The following KCNK13 variants were observed in gnomAD, a reference collection of about 807,000 sequenced individuals.
The protein encoded by KCNK13 is potassium channel subfamily K member 13.
A neutral mutation model predicts 23.4 loss-of-function variants in KCNK13; 12 were observed. The observed-to-expected ratio is 0.51, with a 90% CI of 0.33 to 0.83. The LOEUF (loss-of-function observed/expected upper bound fraction) is 0.83, where lower values mean the gene tolerates loss of function less well. KCNK13 is among the 40% of genes least tolerant of loss of function. The pLI is 0.02. For synonymous variants in KCNK13, 231 were observed against 229.5 expected (o/e 1.01, Z -0.06); for missense variants, 463 against 556.3 (o/e 0.83, Z 1.69).
intron 1 of KCNK13, among the ~76,000 whole-genome samples, chr14:90,135,743 T>C (rs1232935837): frequency 6.6e-6 from 1 of 152,158 alleles, no homozygotes; most frequent in Non-Finnish European, 1.5e-5. Context: ...AGAAAAGGAC[T>C]CTTTTTTGTT....
Position 90,062,391 on chromosome 14 carries a change from C to T in KCNK13, c.186C>T (p.Arg62=), listed in dbSNP as rs772470332. 12 of 1,548,482 alleles carry T rather than the reference C, an allele frequency of 7.7e-6. No individual in the cohort carries two copies. The South Asian group carries it at 8.3e-5, about 11-fold the overall frequency. The change falls in exon 1 of 2, where the codon CGC becomes CGT. Residue 62 remains arginine (R), a synonymous_variant. Coordinates refer to ENST00000282146, the MANE Select transcript of KCNK13 (RefSeq NM_022054.4). The surrounding 1 kb of genome is among the most constrained non-coding windows in gnomAD (Gnocchi z 4.5). Reference sequence around the variant, plus strand: ...AGGAGCGCCTGGCCAACTTCAGCCGCGGCCACAACCTGAGCCGCGACGAGC... The same window carrying T: ...AGGAGCGCCTGGCCAACTTCAGCCGTGGCCACAACCTGAGCCGCGACGAGC... ...RWEERLANFS[R]GHNLSRDELR... is the part of the protein sequence containing the mutation.
intron 1 of KCNK13, among the ~76,000 whole-genome samples, chr14:90,076,722 T>C (rs1889138833): frequency 6.6e-6 from 1 of 152,192 alleles, no homozygotes; most frequent in Non-Finnish European, 1.5e-5. Flanking sequence ...AATAAAATAT[T>C]GTCTGAGCGT....
At chr14:90,089,233 C>G (rs1889315694) in intron 1 of KCNK13, among the ~76,000 whole-genome samples, 1 of 152,156 alleles carries the variant, frequency 6.6e-6, no homozygotes, top group African/African-American at 2.4e-5. Context: ...GACAAAAATG[C>G]TGATAGTGAT....
At chr14:90,154,279 A>G (rs1890169180) in intron 1 of KCNK13, among the ~76,000 whole-genome samples, 1 of 149,670 alleles carries the variant, frequency 6.7e-6, no homozygotes, top group African/African-American at 2.5e-5. Flanking sequence ...CTGCTCTCCT[A>G]CCCACAATGC....
intron 1 of KCNK13, among the ~76,000 whole-genome samples, chr14:90,071,663 C>T (rs946005291): frequency 6.6e-6 from 1 of 152,116 alleles, no homozygotes; most frequent in South Asian, 2.1e-4. Flanking sequence ...AATTGGGAGG[C>T]CAAGGTGGGC....
chr14:90,130,548 C>T (rs1056181254), intron 1 of KCNK13, among the ~76,000 whole-genome samples: 2 of 151,836 alleles, frequency 1.3e-5, no homozygotes, highest in Admixed American at 6.6e-5. Context: ...CACAGTCGCC[C>T]ATGCCTGTAA....
chr14:90,142,556 G>C (rs8004265), intron 1 of KCNK13, among the ~76,000 whole-genome samples: 1 of 151,838 alleles, frequency 6.6e-6, no homozygotes, highest in African/African-American at 2.4e-5. Flanking sequence ...CTGACCTCGT[G>C]ATCCACCCGC....
At chr14:90,163,726 G>A (rs2140439690) in intron 1 of KCNK13, among the ~76,000 whole-genome samples, 1 of 152,258 alleles carries the variant, frequency 6.6e-6, no homozygotes, top group African/African-American at 2.4e-5. Flanking sequence ...GTCTTGCTCT[G>A]TAGCCCAGGC....
Position 90,091,622 on chromosome 14 carries a change from G to T in KCNK13, c.334+29083G>T, listed in dbSNP as rs140036554. ...TTAAACCTGGAATGCAGAACACTGG[G>T]CATGCCAAATGCCTCATTATTTATG... On this transcript the variant is annotated intron_variant, in intron 1 of 1. Coordinates refer to ENST00000282146, the MANE Select transcript of KCNK13 (RefSeq NM_022054.4). 3.1e-3 allele frequency among the ~76,000 whole-genome samples: 479 copies of T among 152,080 alleles called. 5 individuals carry two copies. Among genetic ancestry groups the T allele is most frequent in the African/African-American group, 0.011 (458 of 41,504 alleles).
At chr14:90,076,820 AT>A (rs985682521) in intron 1 of KCNK13, among the ~76,000 whole-genome samples, 16 of 150,898 alleles carry the variant, frequency 1.1e-4, no homozygotes, top group African/African-American at 3.4e-4. Flanking sequence ...TTAAAAAAAA[AT>A]TTTTTTTTTA....
rs369098976 is a variant in KCNK13 at position 90,184,857 on chromosome 14, G to A, written c.1081G>A (p.Ala361Thr). The change falls in exon 2 of 2, where the codon GCC (alanine) becomes ACC (threonine). Residue 361 changes from alanine (A) to threonine (T), a missense_variant. By Grantham distance (58) the Ala-to-Thr change is moderately conservative. Coordinates refer to ENST00000282146, the MANE Select transcript of KCNK13 (RefSeq NM_022054.4). The surrounding 1 kb of genome is among the most constrained non-coding windows in gnomAD (Gnocchi z 5.6). Reference protein sequence around the residue: ...DLLAANKASLAILQKQLSEMA... With the variant: ...DLLAANKASLTILQKQLSEMA... The stretch of plus-strand genomic sequence containing the variant: ...GCTGGCAGCCAACAAGGCCTCGTTG[G>A]CCATCCTGCAGAAGCAACTGTCTGA... The A allele has an allele frequency of 2.6e-5, 42 of 1,613,700 alleles. No homozygotes were observed. The highest frequency in any genetic ancestry group is 3.3e-5 in the Non-Finnish European group (39 of 1,179,966).
At chr14:90,131,543 T>C (rs547897493) in intron 1 of KCNK13, among the ~76,000 whole-genome samples, 1 of 152,220 alleles carries the variant, frequency 6.6e-6, no homozygotes, top group Admixed American at 6.5e-5. Context: ...TTATTTATTT[T>C]TTCAGAAAGA....
chr14:90,127,316 G>A (rs1450102365), intron 1 of KCNK13, among the ~76,000 whole-genome samples: 3 of 152,034 alleles, frequency 2.0e-5, no homozygotes, highest in Non-Finnish European at 2.9e-5. Flanking sequence ...GTTTTGTAGC[G>A]TGAAAACAGC....
intron 1 of KCNK13, among the ~76,000 whole-genome samples, chr14:90,155,944 C>T (rs1250513710): frequency 2.0e-5 from 3 of 152,184 alleles, no homozygotes; most frequent in Middle Eastern, 3.4e-3. Context: ...TGGCTCACAC[C>T]TGTAATCTCA....
chr14:90,108,242 C>T (rs1375031310), intron 1 of KCNK13, among the ~76,000 whole-genome samples: 51 of 152,114 alleles, frequency 3.4e-4, no homozygotes, highest in Admixed American at 3.3e-3. Context: ...GCCTAGGATT[C>T]GCTCACTCAC....
chr14:90,179,615 C>G (rs183643864), intron 1 of KCNK13, among the ~76,000 whole-genome samples: 1 of 152,196 alleles, frequency 6.6e-6, no homozygotes, highest in Non-Finnish European at 1.5e-5. Flanking sequence ...GCCTCCAAGC[C>G]AATCTCATTC....
At chr14:90,118,794 C>A (rs931343833) in intron 1 of KCNK13, among the ~76,000 whole-genome samples, 1 of 152,032 alleles carries the variant, frequency 6.6e-6, no homozygotes. Flanking sequence ...CAAAATCAGA[C>A]CTGAACTGGA....
intron 1 of KCNK13, among the ~76,000 whole-genome samples, chr14:90,087,144 A>G (rs1324164358): frequency 1.5e-4 from 17 of 114,248 alleles, no homozygotes; most frequent in African/African-American, 5.8e-4. Context: ...ATATATATAT[A>G]TATATATATA....
At chr14:90,078,150 GT>G (rs1889162115) in intron 1 of KCNK13, among the ~76,000 whole-genome samples, 1 of 152,238 alleles carries the variant, frequency 6.6e-6, no homozygotes, top group Admixed American at 6.5e-5. Context: ...GCCAGGCACA[GT>G]GGCTCAAGCT....
Sources: allele counts gnomAD v4.1 joint callset (sites outside exome capture counted in the v4.1 genomes callset), GRCh38; gene constraint gnomAD v4.1.1; non-coding constraint Gnocchi (gnomAD v3.1); transcripts MANE v1.5; gene names NCBI Gene and HGNC (gene_info 2026-07-23, HGNC 2026-07-21).